Variants in GPHN observed in about 807,000 individuals in gnomAD.
GPHN encodes the protein gephyrin.
Under a neutral mutation model 95.5 loss-of-function variants are expected in GPHN, and 17 were observed. The ratio of observed to expected loss-of-function variants is 0.18; its 90% CI spans 0.12 to 0.27. GPHN has a LOEUF of 0.27. Among genes scored for constraint, GPHN ranks in the 10% least tolerant of loss-of-function variants. GPHN has a pLI of 1.00. For synonymous variants in GPHN, 320 were observed against 322.5 expected, an observed-to-expected ratio of 0.99 and a Z score of 0.08; for missense variants, 660 against 978.1, an observed-to-expected ratio of 0.67 and a Z score of 4.34.
intron 1 of GPHN, among the ~76,000 whole-genome samples, chr14:66,630,703 A>T (rs370683295): frequency 2.0e-5 from 3 of 152,056 alleles, no homozygotes; most frequent in Admixed American, 6.6e-5. Context: ...CGATCTCCTG[A>T]CCTCGTGATC....
At chr14:67,447,756 A>T in the GPHN span, 1 of 152,160 alleles carries the variant, frequency 6.6e-6, no homozygotes, top group Non-Finnish European at 1.5e-5. Context: ...TTCTCAGCAC[A>T]TGGAAAGATG....
At chr14:67,689,254 G>C in the GPHN span, among the ~76,000 whole-genome samples, 1 of 152,212 alleles carries the variant, frequency 6.6e-6, no homozygotes, top group African/African-American at 2.4e-5. Context: ...CATTTGGTAG[G>C]ATGATCCTAT....
At chr14:67,123,167 G>T (rs1485737316) in intron 17 of GPHN, among the ~76,000 whole-genome samples, 1 of 152,172 alleles carries the variant, frequency 6.6e-6, no homozygotes, top group African/African-American at 2.4e-5. Context: ...AAATACTCAT[G>T]ATGTATCTAT....
intron 2 of GPHN, among the ~76,000 whole-genome samples, chr14:66,721,930 A>G (rs1306577201): frequency 7.0e-6 from 1 of 143,702 alleles, no homozygotes; most frequent in African/African-American, 2.6e-5. Context: ...CAGCCTGGGC[A>G]GTAAGAGCGA....
At chr14:66,629,034 C>T (rs2063628339) in intron 1 of GPHN, among the ~76,000 whole-genome samples, 1 of 146,254 alleles carries the variant, frequency 6.8e-6, no homozygotes, top group Non-Finnish European at 1.5e-5. Flanking sequence ...CACTGCACTC[C>T]ATCCAGCCTG....
intron 17 of GPHN, among the ~76,000 whole-genome samples, chr14:67,139,140 T>C (rs1013874556): frequency 3.3e-5 from 5 of 151,678 alleles, no homozygotes; most frequent in Non-Finnish European, 5.9e-5. Flanking sequence ...GGAGAGTTGC[T>C]TGAACCCAGG....
the GPHN span, among the ~76,000 whole-genome samples, chr14:67,296,149 T>A: frequency 3.3e-5 from 5 of 151,976 alleles, no homozygotes; most frequent in Non-Finnish European, 7.4e-5. Context: ...AGAAGGAAAT[T>A]TAATTTGCTG....
At chr14:67,723,845 C>T in the GPHN span, among the ~76,000 whole-genome samples, 2 of 152,238 alleles carry the variant, frequency 1.3e-5, no homozygotes, top group African/African-American at 4.8e-5. Context: ...AAAGAGTGCT[C>T]TCTGCACAGA....
At chr14:66,516,821 C>T (rs1017404158) in intron 1 of GPHN, among the ~76,000 whole-genome samples, 16 of 152,238 alleles carry the variant, frequency 1.1e-4, no homozygotes, top group Non-Finnish European at 2.4e-4. Flanking sequence ...TGGTTAAGAA[C>T]TGTTGGATAT....
chr14:66,584,433 G>C (rs1029114555), intron 1 of GPHN, among the ~76,000 whole-genome samples: 4 of 151,990 alleles, frequency 2.6e-5, no homozygotes, highest in African/African-American at 4.8e-5. Flanking sequence ...TGTTGAATAG[G>C]AGTGGTGAGA....
At chr14:67,140,638 C>G (rs17781220) in intron 17 of GPHN, among the ~76,000 whole-genome samples, 6,627 of 151,946 alleles carry the variant, frequency 0.044, 188 homozygotes, top group Middle Eastern at 0.068. Context: ...TATTCATTAC[C>G]CAGTCAGTAT....
intron 1 of GPHN, among the ~76,000 whole-genome samples, chr14:66,527,506 T>C (rs138976706): frequency 5.3e-5 from 8 of 152,230 alleles, no homozygotes; most frequent in Admixed American, 5.2e-4. Context: ...TGTCTTCTGC[T>C]AGCTTTTAAA....
the GPHN span, among the ~76,000 whole-genome samples, chr14:67,265,020 A>G: frequency 6.6e-6 from 1 of 152,068 alleles, no homozygotes; most frequent in African/African-American, 2.4e-5. Flanking sequence ...TTGAAATCTT[A>G]CTGGGTTTTT....
intron 1 of GPHN, among the ~76,000 whole-genome samples, chr14:66,604,779 G>A (rs2062434881): frequency 6.6e-6 from 1 of 152,016 alleles, no homozygotes; most frequent in South Asian, 2.1e-4. Flanking sequence ...TGAGGTTTGG[G>A]ATATAGATGA....
the GPHN span, among the ~76,000 whole-genome samples, chr14:67,488,347 C>T: frequency 6.6e-6 from 1 of 152,258 alleles, no homozygotes; most frequent in African/African-American, 2.4e-5. Context: ...GGAACTGAAA[C>T]TCACTGTATG....
At chr14:67,512,518 T>C in the GPHN span, among the ~76,000 whole-genome samples, 11 of 152,270 alleles carry the variant, frequency 7.2e-5, no homozygotes, top group South Asian at 1.9e-3. Context: ...CTTGTCTGTA[T>C]ATGGGAGGTA....
At chr14:67,143,190 A>C (rs1810512169) in intron 17 of GPHN, 172 bp from the exon 18 acceptor site, 1 of 617,518 alleles carries the variant, frequency 1.6e-6, no homozygotes, top group African/African-American at 1.8e-5. Flanking sequence ...CTCCATAATA[A>C]GACTTAATGC....
the GPHN span, among the ~76,000 whole-genome samples, chr14:67,560,003 C>T: frequency 3.9e-5 from 6 of 152,126 alleles, no homozygotes; most frequent in African/African-American, 1.2e-4. Context: ...TGTCCACTCT[C>T]TCCACTTTCT....
chr14:67,341,659 C>G, the GPHN span, among the ~76,000 whole-genome samples: 2 of 152,172 alleles, frequency 1.3e-5, no homozygotes, highest in Admixed American at 6.5e-5. Context: ...CCCCTCTGCC[C>G]GGCCACCACC....
Sources: gnomAD v4.1 joint callset for allele counts (sites outside exome capture counted in the v4.1 genomes callset) on GRCh38, gnomAD v4.1.1 for gene constraint, MANE v1.5 for transcripts, NCBI Gene and HGNC (gene_info 2026-07-23, HGNC 2026-07-21) for gene names.